KCNIP4: variants seen among roughly 807,000 people sequenced by gnomAD.
KCNIP4 encodes potassium voltage-gated channel interacting protein 4, also known as Kv channel-interacting protein 4.
KCNIP4 carries 12 observed loss-of-function variants against 34.0 expected under a neutral mutation model. That is an observed-to-expected ratio of 0.35 (90% CI 0.23 to 0.57). KCNIP4 has a LOEUF of 0.57. Ranked by LOEUF, KCNIP4 falls within the 20% of genes least tolerant of loss-of-function variation. The pLI, the probability that KCNIP4 is intolerant of heterozygous loss-of-function variation, is 0.83. For synonymous variants in KCNIP4, 124 were observed against 102.2 expected (o/e 1.21, Z -1.29); for missense variants, 238 against 311.7 (o/e 0.76, Z 1.78).
intron 1 of KCNIP4, among the ~76,000 whole-genome samples, chr4:21,788,096 C>A (rs1164135217): frequency 1.3e-5 from 2 of 152,056 alleles, no homozygotes; most frequent in African/African-American, 4.8e-5. Context: ...AAATTTCAAC[C>A]AGAAGACATT....
At chr4:21,184,579 T>G (rs1157193412) in intron 1 of KCNIP4, among the ~76,000 whole-genome samples, 1 of 152,168 alleles carries the variant, frequency 6.6e-6, no homozygotes, top group Non-Finnish European at 1.5e-5. Context: ...CTGGTATTAA[T>G]GAGGCCAAGG....
chr4:21,478,865 A>G (rs930058449), intron 1 of KCNIP4, among the ~76,000 whole-genome samples: 1 of 152,198 alleles, frequency 6.6e-6, no homozygotes, highest in African/African-American at 2.4e-5. Context: ...GGATGGCAAT[A>G]TCATATACAG....
chr4:20,815,192 A>T (rs575389411), intron 3 of KCNIP4, among the ~76,000 whole-genome samples: 69 of 152,342 alleles, frequency 4.5e-4, no homozygotes, highest in African/African-American at 1.5e-3. Flanking sequence ...TAAGAAAACC[A>T]ATCATCTGAA....
At chr4:21,671,172 A>T (rs1243308317) in intron 1 of KCNIP4, among the ~76,000 whole-genome samples, 1 of 152,118 alleles carries the variant, frequency 6.6e-6, no homozygotes, top group African/African-American at 2.4e-5. Flanking sequence ...CTGATTTAGA[A>T]ACCTAAAAAT....
chr4:21,850,062 CAG>C (rs1724278670), intron 1 of KCNIP4: 1 of 151,904 alleles, frequency 6.6e-6, no homozygotes, highest in Non-Finnish European at 1.5e-5. Flanking sequence ...GTAACTGAAA[CAG>C]AGTTATTTTG....
chr4:20,935,892 A>C (rs1731008067), intron 1 of KCNIP4, among the ~76,000 whole-genome samples: 1 of 152,090 alleles, frequency 6.6e-6, no homozygotes, highest in Non-Finnish European at 1.5e-5. Context: ...TGCCATCATC[A>C]TCACTCCCTC....
chr4:21,385,050 C>T (rs778807535), intron 1 of KCNIP4, among the ~76,000 whole-genome samples: 9 of 152,088 alleles, frequency 5.9e-5, no homozygotes, highest in Non-Finnish European at 1.2e-4. Context: ...GGGGCTTTGT[C>T]AATACAGACT....
At chr4:21,760,949 G>T (rs1718008241) in intron 1 of KCNIP4, among the ~76,000 whole-genome samples, 1 of 152,074 alleles carries the variant, frequency 6.6e-6, no homozygotes, top group South Asian at 2.1e-4. Context: ...CACTGTTCTA[G>T]GTGCTTATGA....
chr4:21,948,257 G>A (rs553359738), intron 1 of KCNIP4, among the ~76,000 whole-genome samples: 2 of 152,214 alleles, frequency 1.3e-5, no homozygotes, highest in Non-Finnish European at 2.9e-5. Context: ...TCTGGCAGAT[G>A]CATAAACAAC....
intron 3 of KCNIP4, among the ~76,000 whole-genome samples, chr4:20,778,369 G>A (rs901154735): frequency 5.3e-5 from 8 of 152,122 alleles, no homozygotes; most frequent in African/African-American, 1.9e-4. Flanking sequence ...CTCATAGTTA[G>A]AATTAAATAT....
At chr4:21,265,687 T>A (rs746448082) in intron 1 of KCNIP4, among the ~76,000 whole-genome samples, 1 of 152,210 alleles carries the variant, frequency 6.6e-6, no homozygotes, top group African/African-American at 2.4e-5. Context: ...AGAATCATAA[T>A]GGAAAATAAG....
At chr4:21,500,649 ACATT>A (rs1733242895) in intron 1 of KCNIP4, among the ~76,000 whole-genome samples, 2 of 152,316 alleles carry the variant, frequency 1.3e-5, no homozygotes, top group Admixed American at 1.3e-4. Flanking sequence ...AATGAAGGGT[ACATT>A]AGTGTTTTCT....
At chr4:20,816,132 AGTC>A (rs1716347430) in intron 3 of KCNIP4, among the ~76,000 whole-genome samples, 1 of 151,996 alleles carries the variant, frequency 6.6e-6, no homozygotes, top group Non-Finnish European at 1.5e-5. Flanking sequence ...GCACACCTGT[AGTC>A]CCAGCTACTT....
rs530105375 is a variant in KCNIP4, at chr4:21,638,513, T to A, written c.61+310058A>T. ...AATATTTTTATGTTTTTTATCATAG[T>A]GGTGGGAGCTCTACCTTTACAAGGC... On this transcript the variant is annotated intron_variant, in intron 1 of 8. Coordinates refer to ENST00000382152, the MANE Select transcript of KCNIP4 (RefSeq NM_025221.6). Among the ~76,000 whole-genome samples, 12 of 152,254 alleles carry A rather than the reference T, an allele frequency of 7.9e-5. No homozygotes were observed. The South Asian group carries it at 2.5e-3, about 32-fold the overall frequency.
chr4:21,384,968 C>A (rs950237140), intron 1 of KCNIP4, among the ~76,000 whole-genome samples: 2 of 152,154 alleles, frequency 1.3e-5, no homozygotes, highest in African/African-American at 2.4e-5. Context: ...CGCTTTGTCT[C>A]TTTTCTGCAG....
At chr4:21,326,284 A>G (rs1715030266) in intron 1 of KCNIP4, among the ~76,000 whole-genome samples, 1 of 115,148 alleles carries the variant, frequency 8.7e-6, no homozygotes, top group Admixed American at 8.4e-5. Flanking sequence ...CTAGAGTTGG[A>G]TATACATATA....
intron 1 of KCNIP4, among the ~76,000 whole-genome samples, chr4:21,947,842 C>T (rs1423835328): frequency 6.6e-6 from 1 of 152,162 alleles, no homozygotes; most frequent in Non-Finnish European, 1.5e-5. Context: ...CAACCCAAGA[C>T]GCTTTGTGGA....
intron 5 of KCNIP4, among the ~76,000 whole-genome samples, chr4:20,744,772 A>AT (rs1206265508): frequency 4.6e-5 from 7 of 152,156 alleles, no homozygotes; most frequent in Non-Finnish European, 8.8e-5. Context: ...AATAATAATA[A>AT]TAAAAATATA....
chr4:21,880,119 T>C (rs1726380278), intron 1 of KCNIP4, among the ~76,000 whole-genome samples: 1 of 152,146 alleles, frequency 6.6e-6, no homozygotes. Flanking sequence ...AATACATCTA[T>C]GTATAGTTGA....
Sources: gnomAD v4.1 joint callset for allele counts (sites outside exome capture counted in the v4.1 genomes callset) on GRCh38, gnomAD v4.1.1 for gene constraint, MANE v1.5 for transcripts, NCBI Gene and HGNC (gene_info 2026-07-23, HGNC 2026-07-21) for gene names.